UCK2: variants seen among roughly 807,000 people sequenced by gnomAD.
The protein encoded by UCK2 is cytidine monophosphokinase 2.
In UCK2, 6 loss-of-function variants were observed where a neutral mutation model predicts 30.8. The observed-to-expected ratio is 0.19, with a 90% CI of 0.11 to 0.38. The LOEUF is 0.38. Ranked by LOEUF, UCK2 falls within the 10% of genes least tolerant of loss-of-function variation. UCK2 has a pLI of 1.00. For missense variants in UCK2, 210 were observed against 339.8 expected, an observed-to-expected ratio of 0.62 and a Z score of 3.00; for synonymous variants, 125 against 133.6, an observed-to-expected ratio of 0.94 and a Z score of 0.45.
intron 1 of UCK2, among the ~76,000 whole-genome samples, chr1:165,855,337 G>A (rs1349822911): frequency 6.6e-6 from 1 of 152,092 alleles, no homozygotes; most frequent in Non-Finnish European, 1.5e-5. Flanking sequence ...TTGCAGCAAA[G>A]ATGTCCCCAA....
chr1:165,827,951 C>T lies in UCK2; in HGVS notation c.99+19C>T, dbSNP rs930750573. The T allele has an allele frequency of 1.2e-5, 16 of 1,325,600 alleles. No individual in the cohort carries two copies. Among genetic ancestry groups the T allele is most frequent in the Non-Finnish European group, 1.6e-5 (16 of 1,027,466 alleles). The allele number at this position is 1,325,600 out of a possible 1,614,324, so 82.1% of individuals were successfully genotyped here. On this transcript the variant is annotated intron_variant, in intron 1 of 6. Coordinates refer to ENST00000367879, the MANE Select transcript of UCK2 (RefSeq NM_012474.5). ...CGGCAAGGTACGGCGGGGCCCGGAG[C>T]CGCGCTCCCTTCCCGGCTTCTGTCC...
intron 1 of UCK2, among the ~76,000 whole-genome samples, chr1:165,885,838 C>T (rs1419233654): frequency 6.6e-6 from 1 of 152,130 alleles, no homozygotes; most frequent in Non-Finnish European, 1.5e-5. Context: ...AAGTGCTGAG[C>T]CCAGTACCTA....
chr1:165,898,834 G>A (rs764409697), intron 4 of UCK2, among the ~76,000 whole-genome samples: 14 of 152,140 alleles, frequency 9.2e-5, no homozygotes, highest in African/African-American at 1.9e-4. Context: ...CTGCCTCTCC[G>A]CCTTCTCTGA....
chr1:165,839,670 C>T (rs1654276451), intron 1 of UCK2, among the ~76,000 whole-genome samples: 1 of 151,986 alleles, frequency 6.6e-6, no homozygotes, highest in Non-Finnish European at 1.5e-5. Context: ...GGAGAACGTG[C>T]GTGGGTTTTG....
At chr1:165,880,562 TGGGGG>T (rs56293826) in intron 1 of UCK2, among the ~76,000 whole-genome samples, 12 of 115,846 alleles carry the variant, frequency 1.0e-4, no homozygotes, top group South Asian at 3.3e-4. Context: ...CAGTTTTTTT[TGGGGG>T]TGTGTGTGTG....
In UCK2 at chr1:165,882,740, T is replaced by C. The variant is rs114101510; in HGVS notation, c.100-7464T>C. The stretch of plus-strand genomic sequence containing the variant: ...GGGCCCTCATCACCTCCTATAGGCC[T>C]ACCTTCTAGTACAATCACATCAGCA... On this transcript the variant is annotated intron_variant, in intron 1 of 6. Transcript: ENST00000367879. Among the ~76,000 whole-genome samples, 569 of 152,312 alleles carry C rather than the reference T, an allele frequency of 3.7e-3. 3 individuals are homozygous for C. Among genetic ancestry groups the C allele is most frequent in the Non-Finnish European group, 5.1e-3 (347 of 68,022 alleles).
At chr1:165,845,613 AT>A (rs1654427892) in intron 1 of UCK2, among the ~76,000 whole-genome samples, 1 of 152,080 alleles carries the variant, frequency 6.6e-6, no homozygotes, top group South Asian at 2.1e-4. Context: ...CATCAGCAGT[AT>A]TTTGGGGAAG....
chr1:165,828,090 C>T (rs1045192603), intron 1 of UCK2, among the ~76,000 whole-genome samples, 158 bp downstream of exon 1: 3 of 150,732 alleles, frequency 2.0e-5, no homozygotes, highest in Non-Finnish European at 4.4e-5. Context: ...CCCCGCGCGG[C>T]CTGGGGGCGC....
At position 165,897,059 on chromosome 1, in the gene UCK2, C is replaced by T. The variant is rs931925321; in HGVS notation, c.499+727C>T. ...ACTTGGATGTGGTGGGGTAGGGTGACGCTATAGGCAACCCATGAAGGTGCA... is the reference window on the plus strand; with the variant it reads ...ACTTGGATGTGGTGGGGTAGGGTGATGCTATAGGCAACCCATGAAGGTGCA... On this transcript the variant is annotated intron_variant, in intron 4 of 6. Transcript: ENST00000367879. Among the ~76,000 whole-genome samples, 11 of 152,246 alleles carry T rather than the reference C, an allele frequency of 7.2e-5. No homozygotes were observed. The East Asian group carries it at 1.4e-3, about 19-fold the overall frequency.
intron 1 of UCK2, among the ~76,000 whole-genome samples, chr1:165,872,807 A>C (rs1195602290): frequency 2.0e-5 from 3 of 152,232 alleles, no homozygotes; most frequent in African/African-American, 7.2e-5. Flanking sequence ...GAAAAAAATC[A>C]TTCACACATG....
chr1:165,829,562 A>G (rs1483149763), intron 1 of UCK2, among the ~76,000 whole-genome samples: 1 of 152,230 alleles, frequency 6.6e-6, no homozygotes, highest in Non-Finnish European at 1.5e-5. Flanking sequence ...TAGAAACAAA[A>G]TGATCTTGGT....
At chr1:165,850,138 T>G (rs1437435588) in intron 1 of UCK2, among the ~76,000 whole-genome samples, 2 of 152,156 alleles carry the variant, frequency 1.3e-5, no homozygotes, top group Non-Finnish European at 2.9e-5. Context: ...TTATTTTTAT[T>G]TATTTATTTT....
chr1:165,827,833 C>T lies in UCK2; in HGVS notation c.-1C>T, dbSNP rs766189675. 1.5e-5 allele frequency: 22 copies of T among 1,447,762 alleles called. No homozygotes were observed. Among genetic ancestry groups the T allele is most frequent in the African/African-American group, 4.4e-5 (3 of 68,504 alleles). 89.7% of individuals were successfully genotyped at this position (1,447,762 alleles called of 1,614,324 possible). A position where few individuals can be genotyped will look rare whatever the true frequency, so the allele number is the denominator to read the frequency against. On this transcript the variant is annotated 5_prime_UTR_variant, in exon 1 of 7. Transcript: ENST00000367879. Reference sequence around the variant, plus strand: ...CAGCGGGAGGAGGGGCGGCGCGAACCATGGCCGGGGACAGCGAGCAGACCC... The same window carrying T: ...CAGCGGGAGGAGGGGCGGCGCGAACTATGGCCGGGGACAGCGAGCAGACCC...
chr1:165,897,755 T>G (rs937519832), intron 4 of UCK2, among the ~76,000 whole-genome samples: 30 of 152,220 alleles, frequency 2.0e-4, no homozygotes, highest in African/African-American at 7.2e-4. Context: ...GTCCTGAGCT[T>G]TGCCCTTCTA....
In UCK2 at chr1:165,890,224, C is replaced by T. The variant is rs752039163; in HGVS notation, c.120C>T (p.Ile40=). The change falls in exon 2 of 7, where the codon ATC becomes ATT. Residue 40 remains isoleucine, a synonymous_variant. Transcript: ENST00000367879. The part of the protein sequence containing the change: ...ASGKSSVCAK[I]VQLLGQNEVD... ...CACAGTCTTCCGTGTGTGCTAAGATCGTGCAGCTCCTGGGGCAGAATGAGG... is the reference window on the plus strand; with the variant it reads ...CACAGTCTTCCGTGTGTGCTAAGATTGTGCAGCTCCTGGGGCAGAATGAGG... 1.5e-5 allele frequency: 25 copies of T among 1,613,942 alleles called. No individual in the cohort carries two copies. The Admixed American group carries it at 3.0e-4, about 19-fold the overall frequency.
intron 1 of UCK2, among the ~76,000 whole-genome samples, chr1:165,846,477 A>C (rs570497849): frequency 3.0e-4 from 46 of 151,280 alleles, no homozygotes; most frequent in Middle Eastern, 3.4e-3. Flanking sequence ...AAACATCTGG[A>C]AGTTGGTCAA....
intron 1 of UCK2, among the ~76,000 whole-genome samples, chr1:165,881,840 A>G (rs1161804616): frequency 6.6e-6 from 1 of 152,216 alleles, no homozygotes; most frequent in East Asian, 1.9e-4. Context: ...CTTTTCTAGT[A>G]ATAGAGCTTA....
chr1:165,906,528 C>T (rs1246926518), intron 6 of UCK2, among the ~76,000 whole-genome samples: 1 of 152,158 alleles, frequency 6.6e-6, no homozygotes, highest in Admixed American at 6.5e-5. Context: ...CACCACGGTC[C>T]ACTAATTTTA....
At chr1:165,841,971 G>C (rs1460741489) in intron 1 of UCK2, among the ~76,000 whole-genome samples, 1 of 152,142 alleles carries the variant, frequency 6.6e-6, no homozygotes, top group Non-Finnish European at 1.5e-5. Flanking sequence ...AAGTGTTGTC[G>C]CAGGTGGAGA....
Sources: allele counts gnomAD v4.1 joint callset (sites outside exome capture counted in the v4.1 genomes callset), GRCh38; gene constraint gnomAD v4.1.1; transcripts MANE v1.5; gene names NCBI Gene and HGNC (gene_info 2026-07-23, HGNC 2026-07-21).